Variants in KANSL1 observed in about 807,000 individuals in gnomAD.
The protein encoded by KANSL1 is KAT8 regulatory NSL complex subunit 1, also known as MLL1/MLL complex subunit KANSL1.
In KANSL1, 22 loss-of-function variants were observed where a neutral mutation model predicts 103.6. The ratio of observed to expected loss-of-function variants is 0.21; its 90% confidence interval spans 0.15 to 0.30. The LOEUF is 0.30. Among genes scored for constraint, KANSL1 ranks in the 10% least tolerant of loss-of-function variants. The pLI, the probability that KANSL1 is intolerant of heterozygous loss-of-function variation, is 1.00. For missense variants in KANSL1, 1,337 were observed against 1,399.8 expected, an observed-to-expected ratio of 0.96 and a Z score of 0.72; for synonymous variants, 600 against 527.6, an observed-to-expected ratio of 1.14 and a Z score of -1.88.
At position 46,046,425 on chromosome 17, in the gene KANSL1, C is replaced by T. The variant is rs182249202; in HGVS notation, c.2020+4108G>A. 1.7e-3 allele frequency among the ~76,000 whole-genome samples: 262 copies of T among 150,514 alleles called. 1 individual carries two copies. Among genetic ancestry groups the T allele is most frequent in the African/African-American group, 6.1e-3 (251 of 40,970 alleles). ...TGGTGTGCACCTGTAGTCCCAGCTA[C>T]CCACTGAAGTGGGAGAATCACCTGA... On this transcript the variant is annotated intron_variant, in intron 7 of 14. Coordinates refer to ENST00000432791, the MANE Select transcript of KANSL1 (RefSeq NM_015443.4).
chr17:46,084,101 C>T (rs910611913), intron 3 of KANSL1, among the ~76,000 whole-genome samples: 5 of 144,986 alleles, frequency 3.4e-5, no homozygotes, highest in East Asian at 1.9e-4. Flanking sequence ...TGGAGGGTCC[C>T]GGAATGGCGG....
At chr17:46,046,173 T>G (rs1389076281) in intron 7 of KANSL1, 1 of 152,106 alleles carries the variant, frequency 6.6e-6, no homozygotes, top group African/African-American at 2.4e-5. Context: ...CATTAGCCAT[T>G]TAGTTTTAGA....
intron 3 of KANSL1, among the ~76,000 whole-genome samples, chr17:46,084,529 A>C (rs1279181147): frequency 6.6e-6 from 1 of 151,796 alleles, no homozygotes; most frequent in African/African-American, 2.4e-5. Context: ...TAAAAATACA[A>C]AAAATAGCTG....
At chr17:46,147,602 CGA>C (rs1567729939) in intron 2 of KANSL1, among the ~76,000 whole-genome samples, 1 of 143,886 alleles carries the variant, frequency 6.9e-6, no homozygotes, top group Admixed American at 7.0e-5. Context: ...AAAAAGAGAG[CGA>C]GAGAGAAAGA....
intron 2 of KANSL1, among the ~76,000 whole-genome samples, chr17:46,143,938 T>A (rs912789872): frequency 8.5e-5 from 13 of 152,116 alleles, no homozygotes; most frequent in Admixed American, 2.0e-4. Context: ...GAACTTGAAG[T>A]CTGATTCCAA....
At chr17:46,054,345 C>T (rs116792070) in intron 6 of KANSL1, among the ~76,000 whole-genome samples, 443 of 152,204 alleles carry the variant, frequency 2.9e-3, no homozygotes, top group African/African-American at 9.9e-3. Context: ...TGAGCCATCG[C>T]GACCGGTCCC....
Position 46,064,230 on chromosome 17 carries a change from AG to A in KANSL1, c.1848+2306del, listed in dbSNP as rs1486679734. On this transcript the variant is annotated intron_variant, in intron 6 of 14. Coordinates refer to ENST00000432791, the MANE Select transcript of KANSL1 (RefSeq NM_015443.4). Reference sequence around the variant, plus strand: ...AATTCTACAATTCTTTTCTTTAAAGAGAACATGGCAAACTTACACAGTACAA... The same window carrying A: ...AATTCTACAATTCTTTTCTTTAAAGAAACATGGCAAACTTACACAGTACAA... Among the ~76,000 whole-genome samples the A allele has an allele frequency of 2.0e-5, 3 of 152,148 alleles. No homozygotes were observed. The East Asian group carries it at 5.8e-4, about 29-fold the overall frequency.
chr17:46,058,737 ACACACACTCTCTCTCTCT>A lies in KANSL1; in HGVS notation c.1848+7782_1848+7799del, dbSNP rs1477990835. Among the ~76,000 whole-genome samples the A allele has an allele frequency of 5.8e-3, 416 of 72,282 alleles. 3 individuals are homozygous for A. Among genetic ancestry groups the A allele is most frequent in the African/African-American group, 0.018 (385 of 21,500 alleles). The allele number at this position is 72,282 out of a possible 152,430, so 47.4% of individuals were successfully genotyped here. On this transcript the variant is annotated intron_variant, in intron 6 of 14. Transcript: ENST00000432791. ...CACACACACACACACACACACACAC[ACACACACTCTCTCTCTCT>A]CTCTCTCTCTCTCTCTCTCTCTCTC... is the stretch of plus-strand genomic sequence containing the variant.
intron 6 of KANSL1, among the ~76,000 whole-genome samples, chr17:46,055,496 T>C (rs1455049563): frequency 6.6e-6 from 1 of 151,498 alleles, no homozygotes; most frequent in Non-Finnish European, 1.5e-5. Context: ...AAAGATTATA[T>C]TCTTGACTGT....
intron 3 of KANSL1, among the ~76,000 whole-genome samples, chr17:46,086,919 AC>A (rs1407788648): frequency 6.6e-6 from 1 of 152,022 alleles, no homozygotes; most frequent in Non-Finnish European, 1.5e-5. Flanking sequence ...GGCGCATACC[AC>A]CACGCCTGGC....
intron 1 of KANSL1, among the ~76,000 whole-genome samples, chr17:46,177,814 G>A (rs1431982408): frequency 1.3e-5 from 2 of 151,306 alleles, no homozygotes; most frequent in Non-Finnish European, 2.9e-5. Flanking sequence ...GTCTCGCTCT[G>A]TCACCCAGGC....
At chr17:46,064,954 C>G in intron 6 of KANSL1, among the ~76,000 whole-genome samples, 1 of 151,644 alleles carries the variant, frequency 6.6e-6, no homozygotes, top group Admixed American at 6.6e-5. Context: ...CATATGTATA[C>G]GTGTGTTTTT....
At chr17:46,112,792 G>A (rs1290666079) in intron 2 of KANSL1, among the ~76,000 whole-genome samples, 2 of 151,852 alleles carry the variant, frequency 1.3e-5, no homozygotes, top group Admixed American at 6.6e-5. Flanking sequence ...CACAATCTTG[G>A]CTCACTACAA....
intron 2 of KANSL1, among the ~76,000 whole-genome samples, chr17:46,142,420 G>A (rs1392626390): frequency 6.6e-6 from 1 of 152,142 alleles, no homozygotes. Flanking sequence ...TTTGAGACCA[G>A]CCTGGGCAAC....
chr17:46,074,586 G>A (rs967027944), intron 4 of KANSL1, among the ~76,000 whole-genome samples: 2 of 150,276 alleles, frequency 1.3e-5, no homozygotes, highest in Non-Finnish European at 3.0e-5. Flanking sequence ...GGGCAAAATG[G>A]CAAAACCTTG....
At chr17:46,218,128 T>A (rs34342390) in intron 1 of KANSL1, among the ~76,000 whole-genome samples, 20 of 152,336 alleles carry the variant, frequency 1.3e-4, no homozygotes, top group African/African-American at 2.9e-4. Context: ...CTGTCCCAGT[T>A]GCTTCAGAGA....
chr17:46,218,265 T>A (rs1421918104), intron 1 of KANSL1, among the ~76,000 whole-genome samples: 2 of 152,244 alleles, frequency 1.3e-5, no homozygotes, highest in African/African-American at 4.8e-5. Context: ...ATAAGAAAAT[T>A]CGCAGCTCAG....
At chr17:46,039,938 G>T (rs1238429689) in intron 7 of KANSL1, 54 bp from the exon 8 acceptor site, 2 of 1,505,460 alleles carry the variant, frequency 1.3e-6, no homozygotes, top group Non-Finnish European at 1.8e-6. Context: ...CCTCTCTAGT[G>T]TTCAAGACCT....
intron 2 of KANSL1, among the ~76,000 whole-genome samples, chr17:46,149,682 C>T (rs1294661983): frequency 2.0e-5 from 3 of 152,236 alleles, no homozygotes; most frequent in Non-Finnish European, 4.4e-5. Context: ...TTCCTAAATT[C>T]CATCACAGAT....
Sources: allele counts gnomAD v4.1 joint callset (sites outside exome capture counted in the v4.1 genomes callset), GRCh38; gene constraint gnomAD v4.1.1; transcripts MANE v1.5; gene names NCBI Gene and HGNC (gene_info 2026-07-23, HGNC 2026-07-21).